HIVEP3: variants seen among roughly 807,000 people sequenced by gnomAD.
HIVEP3 encodes transcription factor HIVEP3.
HIVEP3 carries 49 observed loss-of-function variants against 152.8 expected under a neutral mutation model. The observed-to-expected ratio is 0.32, with a 90% CI of 0.26 to 0.41. HIVEP3 has a LOEUF of 0.41. Ranked by LOEUF, HIVEP3 falls within the 10% of genes least tolerant of loss-of-function variation. The pLI is 1.00. For synonymous variants in HIVEP3, 1,269 were observed against 1,289.0 expected (o/e 0.98, Z 0.33); for missense variants, 2,790 against 3,103.3 (o/e 0.90, Z 2.40).
At chr1:42,013,718 C>A (rs548896145) in intron 1 of HIVEP3, among the ~76,000 whole-genome samples, 117 of 152,314 alleles carry the variant, frequency 7.7e-4, no homozygotes, top group African/African-American at 2.6e-3. Context: ...CTTCCACTTA[C>A]AAGGAATACT....
At chr1:41,851,700 A>C (rs1643606234) in intron 1 of HIVEP3, among the ~76,000 whole-genome samples, 1 of 152,200 alleles carries the variant, frequency 6.6e-6, no homozygotes, top group African/African-American at 2.4e-5. Context: ...ACTGAGCTTT[A>C]ATAGAACGTG....
rs572349018 is a variant in HIVEP3, at chr1:41,551,279, A to C, written c.5207+24265T>G. On this transcript the variant is annotated intron_variant, in intron 5 of 8. Coordinates refer to ENST00000372583, the MANE Select transcript of HIVEP3 (RefSeq NM_024503.5). ...GATGTGCTGCTGGATTCAGTTTGCC[A>C]GTATTTTATTGAGGATTTTTACATC... Among the ~76,000 whole-genome samples, 34 of 152,210 alleles carry C rather than the reference A, an allele frequency of 2.2e-4. No homozygotes were observed. In the East Asian group the frequency reaches 5.4e-3, roughly 24 times the overall value.
intron 5 of HIVEP3, among the ~76,000 whole-genome samples, chr1:41,565,982 A>G (rs762430732): frequency 6.6e-6 from 1 of 151,844 alleles, no homozygotes; most frequent in Non-Finnish European, 1.5e-5. Context: ...ACCATCCATG[A>G]CTTGGGTTTC....
intron 5 of HIVEP3, among the ~76,000 whole-genome samples, chr1:41,532,560 A>G (rs1310775205): frequency 6.6e-6 from 1 of 152,106 alleles, no homozygotes. Context: ...AGGAGGAGAG[A>G]ATGAATCCAG....
At chr1:41,686,305 C>G (rs968756171) in intron 2 of HIVEP3, among the ~76,000 whole-genome samples, 2 of 152,130 alleles carry the variant, frequency 1.3e-5, no homozygotes, top group African/African-American at 4.8e-5. Flanking sequence ...AATTCCTGGG[C>G]TCAAGTGATC....
intron 2 of HIVEP3, among the ~76,000 whole-genome samples, chr1:41,679,720 C>G (rs571456859): frequency 6.6e-6 from 1 of 152,218 alleles, no homozygotes; most frequent in Non-Finnish European, 1.5e-5. Context: ...CAGCCCTGCC[C>G]ATCACTGAAT....
intron 1 of HIVEP3, among the ~76,000 whole-genome samples, chr1:41,742,550 C>G (rs1345057430): frequency 6.6e-6 from 1 of 152,232 alleles, no homozygotes; most frequent in Non-Finnish European, 1.5e-5. Flanking sequence ...AATACTTATT[C>G]CTTGATGAAC....
intron 2 of HIVEP3, among the ~76,000 whole-genome samples, chr1:41,658,577 C>CG (rs1392003631): frequency 6.6e-6 from 1 of 152,138 alleles, no homozygotes; most frequent in Non-Finnish European, 1.5e-5. Context: ...CTCACTTCAC[C>CG]CCCCCCATGA....
intron 1 of HIVEP3, among the ~76,000 whole-genome samples, chr1:41,972,535 G>A (rs1645235818): frequency 6.6e-6 from 1 of 152,212 alleles, no homozygotes; most frequent in Non-Finnish European, 1.5e-5. Flanking sequence ...CCATGCAATT[G>A]ATTACTTCAT....
rs1558049560 is a variant in HIVEP3, at chr1:41,545,751, G to GCCACCACCACCATTACCATCA, written c.5208-20842_5208-20841insTGATGGTAATGGTGGTGGTGG. 3.8e-3 allele frequency among the ~76,000 whole-genome samples: 152 copies of GCCACCACCACCATTACCATCA among 39,968 alleles called. 1 individual carries two copies. The highest frequency in any genetic ancestry group is 0.014 in the African/African-American group (144 of 10,422). The allele number at this position is 39,968 out of a possible 152,430, so 26.2% of individuals were successfully genotyped here. A position where few individuals can be genotyped will look rare whatever the true frequency, so the allele number is the denominator to read the frequency against. ...CACTACCATCACCACCATCACCACT[G>GCCACCACCACCATTACCATCA]CCACCACCACCACTACCATCACCAC... is the stretch of plus-strand genomic sequence containing the variant. On this transcript the variant is annotated intron_variant, in intron 5 of 8. Transcript: ENST00000372583.
intron 1 of HIVEP3, among the ~76,000 whole-genome samples, chr1:41,971,020 T>C (rs1218610377): frequency 6.6e-6 from 1 of 152,178 alleles, no homozygotes; most frequent in Non-Finnish European, 1.5e-5. Context: ...AAAAAAAATA[T>C]AGACCTGATT....
chr1:41,723,145 GC>G (rs59300375), intron 1 of HIVEP3, among the ~76,000 whole-genome samples: 12,900 of 152,102 alleles, frequency 0.085, 1,798 homozygotes, highest in African/African-American at 0.29. Flanking sequence ...ATTAGAGGGG[GC>G]ATGGTGGTGG....
At chr1:41,812,686 G>T (rs976069140) in intron 1 of HIVEP3, among the ~76,000 whole-genome samples, 3 of 152,048 alleles carry the variant, frequency 2.0e-5, no homozygotes, top group Non-Finnish European at 4.4e-5. Context: ...TAGGGGGTGG[G>T]GGGGGACCTG....
At chr1:41,526,455 TGCTC>T (rs1642916414) in intron 5 of HIVEP3, among the ~76,000 whole-genome samples, 1 of 61,056 alleles carries the variant, frequency 1.6e-5, no homozygotes. Flanking sequence ...CTCACACACA[TGCTC>T]ACACCCCCAC....
In HIVEP3 at chr1:41,580,519, C is replaced by T. The variant is rs1479684531; in HGVS notation, c.4279G>A (p.Gly1427Arg). 6.2e-7 allele frequency: 1 copy of T among 1,614,204 alleles called. No homozygotes were observed. Among genetic ancestry groups the T allele is most frequent in the Admixed American group, 1.7e-5 (1 of 60,024 alleles). Residue 1427 changes from glycine (G) to arginine (R), a missense_variant, in exon 4 of 9, where the codon GGA becomes AGA. Coordinates refer to ENST00000372583, the MANE Select transcript of HIVEP3 (RefSeq NM_024503.5). ...GCTGGTGAAAGGACACGTTTGCTTC[C>T]CCCTGCTGTTGATGAACTCCCCTCC... ...SLEGSSSTAGGSKRVLSPAGS... is the reference protein window; with the variant it reads ...SLEGSSSTAGRSKRVLSPAGS...
upstream of HIVEP3, among the ~76,000 whole-genome samples, chr1:41,922,858 G>C (rs147793851): frequency 1.4e-4 from 21 of 152,138 alleles, no homozygotes; most frequent in African/African-American, 4.6e-4. Context: ...GAGAGATAAA[G>C]AAAAGGAAAG....
chr1:41,967,935 T>C (rs1199315647), intron 1 of HIVEP3, among the ~76,000 whole-genome samples: 1 of 152,152 alleles, frequency 6.6e-6, no homozygotes, highest in African/African-American at 2.4e-5. Context: ...GCAAATAAAC[T>C]AGAAAATCTT....
intron 1 of HIVEP3, among the ~76,000 whole-genome samples, chr1:41,703,059 C>T (rs562285107): frequency 3.9e-5 from 6 of 152,214 alleles, no homozygotes; most frequent in South Asian, 2.1e-4. Context: ...TTAGTCTCCA[C>T]GAAAATTTTG....
At chr1:41,592,754 A>C (rs1245733699) in intron 3 of HIVEP3, among the ~76,000 whole-genome samples, 1 of 152,258 alleles carries the variant, frequency 6.6e-6, no homozygotes, top group Non-Finnish European at 1.5e-5. Flanking sequence ...TTTTCTGCAG[A>C]TGCTTGGCTC....
Sources: allele counts gnomAD v4.1 joint callset (sites outside exome capture counted in the v4.1 genomes callset), GRCh38; gene constraint gnomAD v4.1.1; transcripts MANE v1.5; gene names NCBI Gene and HGNC (gene_info 2026-07-23, HGNC 2026-07-21).